Variants in BRI3BP observed in about 807,000 individuals in gnomAD.
The protein encoded by BRI3BP is BRI3-binding protein.
Under a neutral mutation model 15.8 loss-of-function variants are expected in BRI3BP, and 7 were observed. That is an observed-to-expected ratio of 0.44 (90% CI 0.25 to 0.83). BRI3BP has a LOEUF of 0.83. BRI3BP is among the 40% of genes least tolerant of loss of function. The pLI is 0.20. For synonymous variants in BRI3BP, 192 were observed against 163.5 expected, an observed-to-expected ratio of 1.17 and a Z score of -1.33; for missense variants, 320 against 339.3, an observed-to-expected ratio of 0.94 and a Z score of 0.45.
Position 125,026,290 on chromosome 12 carries a change from G to T in BRI3BP, c.*860G>T, listed in dbSNP as rs1211302020. 1 of 151,664 alleles carries T rather than the reference G, an allele frequency of 6.6e-6. No individual in the cohort carries two copies. Among genetic ancestry groups the T allele is most frequent in the Non-Finnish European group, 1.5e-5 (1 of 67,974 alleles). The allele number at this position is 151,664 out of a possible 1,614,324, so 9.4% of individuals were successfully genotyped here. Reference sequence around the variant, plus strand: ...CCCAATTTGCAGTTTGCTCACTAGGGCTATATACAAAAGCTATACCCTTGA... The same window carrying T: ...CCCAATTTGCAGTTTGCTCACTAGGTCTATATACAAAAGCTATACCCTTGA... On this transcript the variant is annotated 3_prime_UTR_variant, in exon 3 of 3. Transcript: ENST00000341446.
chr12:125,014,469 C>T (rs1011933743), intron 2 of BRI3BP, among the ~76,000 whole-genome samples: 1 of 152,214 alleles, frequency 6.6e-6, no homozygotes, highest in African/African-American at 2.4e-5. Flanking sequence ...ACACCATCAG[C>T]AAAGGGAAAA....
In BRI3BP at chr12:125,027,272, G is replaced by C. The variant is rs897146382; in HGVS notation, c.*1842G>C. 1 of 152,082 alleles carries C rather than the reference G, an allele frequency of 6.6e-6. No individual in the cohort carries two copies. Among genetic ancestry groups the C allele is most frequent in the Non-Finnish European group, 1.5e-5 (1 of 68,038 alleles). The allele number at this position is 152,082 out of a possible 1,614,324, so 9.4% of individuals were successfully genotyped here. On this transcript the variant is annotated 3_prime_UTR_variant, in exon 3 of 3. Transcript: ENST00000341446. ...GACTTTTGAGACTTCTGTTTCTAAG[G>C]TACACATGATGGGACCCAAACTCTC...
intron 2 of BRI3BP, among the ~76,000 whole-genome samples, chr12:125,024,145 T>G (rs377490352): frequency 1.3e-5 from 2 of 152,120 alleles, no homozygotes; most frequent in Admixed American, 1.3e-4. Flanking sequence ...AGGAAACTTA[T>G]AATCATGGCA....
At chr12:125,049,044 C>A in the BRI3BP span, among the ~76,000 whole-genome samples, 1 of 152,148 alleles carries the variant, frequency 6.6e-6, no homozygotes, top group Non-Finnish European at 1.5e-5. Context: ...CTGCAACATC[C>A]ACCTCCCGGG....
rs1955112235 is a variant in BRI3BP at position 125,003,254 on chromosome 12, C to CCCCG, written c.213+9251_213+9252insCCCG. Among the ~76,000 whole-genome samples, 15 of 152,122 alleles carry CCCCG rather than the reference C, an allele frequency of 9.9e-5. No homozygotes were observed. In the South Asian group the frequency reaches 2.9e-3, roughly 29 times the overall value. ...CAGGAAGGCCATTGTCACCCAACCC[C>CCCCG]GGTGTTGGATGTCCCCGGGTGTTGG... On this transcript the variant is annotated intron_variant, in intron 1 of 2. Coordinates refer to ENST00000341446, the MANE Select transcript of BRI3BP (RefSeq NM_080626.6).
At chr12:125,018,885 A>C (rs1230285443) in intron 2 of BRI3BP, among the ~76,000 whole-genome samples, 2 of 151,308 alleles carry the variant, frequency 1.3e-5, no homozygotes, top group Admixed American at 6.6e-5. Flanking sequence ...TTGAGACAGA[A>C]TGTTGCTCTG....
rs545402158 is a variant in BRI3BP at position 125,029,531 on chromosome 12, CAA to C, written c.*4114_*4115del. The C allele has an allele frequency of 2.0e-4, 20 of 100,132 alleles. No homozygotes were observed. The highest frequency in any genetic ancestry group is 5.3e-4 in the Admixed American group (5 of 9,492). 6.2% of individuals were successfully genotyped at this position (100,132 alleles called of 1,614,324 possible). On this transcript the variant is annotated 3_prime_UTR_variant, in exon 3 of 3. Coordinates refer to ENST00000341446, the MANE Select transcript of BRI3BP (RefSeq NM_080626.6). ...GAGGCGACAGAGTGAGACCCAGTCT[CAA>C]AAAAAAAAAAAAGTGTGTGTGTGTG...
rs1955370705 is a variant in BRI3BP at position 125,027,905 on chromosome 12, T to G, written c.*2475T>G. On this transcript the variant is annotated 3_prime_UTR_variant, in exon 3 of 3. Coordinates refer to ENST00000341446, the MANE Select transcript of BRI3BP (RefSeq NM_080626.6). ...GGTTTCACCGTGTTAGCCAGGATGG[T>G]CTCGATCTCCTGACCTCGTGATCCG... 1 of 152,112 alleles carries G rather than the reference T, an allele frequency of 6.6e-6. No individual in the cohort carries two copies. The highest frequency in any genetic ancestry group is 6.5e-5 in the Admixed American group (1 of 15,274). The allele number at this position is 152,112 out of a possible 1,614,324, so 9.4% of individuals were successfully genotyped here.
At chr12:125,017,525 A>G (rs913369441) in intron 2 of BRI3BP, among the ~76,000 whole-genome samples, 4 of 152,232 alleles carry the variant, frequency 2.6e-5, no homozygotes, top group Non-Finnish European at 4.4e-5. Flanking sequence ...ATAGAAAATT[A>G]TCAGGTGTCT....
chr12:125,020,125 T>C (rs970086813), intron 2 of BRI3BP, among the ~76,000 whole-genome samples: 1 of 152,002 alleles, frequency 6.6e-6, no homozygotes, highest in African/African-American at 2.4e-5. Flanking sequence ...GTATTTTTTT[T>C]AATAGAGACA....
chr12:125,047,898 T>C, the BRI3BP span, among the ~76,000 whole-genome samples: 1 of 151,584 alleles, frequency 6.6e-6, no homozygotes, highest in Non-Finnish European at 1.5e-5. Context: ...GGTTTCACCA[T>C]GTTGGCCAGG....
Position 125,004,917 on chromosome 12 carries a change from C to T in BRI3BP, c.214-7617C>T, listed in dbSNP as rs145886637. On this transcript the variant is annotated intron_variant, in intron 1 of 2. Coordinates refer to ENST00000341446, the MANE Select transcript of BRI3BP (RefSeq NM_080626.6). The stretch of plus-strand genomic sequence containing the variant: ...CTGGAGTGAAGTGGTGTGATCTCTG[C>T]TCACTGCAACCTCTGCCTCCCAGAT... Among the ~76,000 whole-genome samples, 49 of 152,288 alleles carry T rather than the reference C, an allele frequency of 3.2e-4. No homozygotes were observed. In the East Asian group the frequency reaches 7.5e-3, roughly 23 times the overall value.
the BRI3BP span, among the ~76,000 whole-genome samples, chr12:125,045,151 G>C: frequency 1.3e-5 from 2 of 152,028 alleles, no homozygotes; most frequent in African/African-American, 2.4e-5. Context: ...TGCAGCCTAT[G>C]AAATTGAAAA....
rs929978852 is a variant in BRI3BP, at chr12:125,027,513, T to C, written c.*2083T>C. The stretch of plus-strand genomic sequence containing the variant: ...AGTGAAACCCCGTCTCTACTAAAAA[T>C]ACAAAAATTAGCCAGGCCTGGTGGT... On this transcript the variant is annotated 3_prime_UTR_variant, in exon 3 of 3. Coordinates refer to ENST00000341446, the MANE Select transcript of BRI3BP (RefSeq NM_080626.6). 6.6e-6 allele frequency: 1 copy of C among 151,674 alleles called. No homozygotes were observed. The highest frequency in any genetic ancestry group is 1.5e-5 in the Non-Finnish European group (1 of 67,944). 9.4% of individuals were successfully genotyped at this position (151,674 alleles called of 1,614,324 possible).
chr12:125,008,445 T>C (rs1290489264), intron 1 of BRI3BP, among the ~76,000 whole-genome samples: 1 of 151,948 alleles, frequency 6.6e-6, no homozygotes, highest in African/African-American at 2.4e-5. Flanking sequence ...CCTGTGTAGC[T>C]GGGACTACAG....
At chr12:124,997,049 G>A (rs983491199) in intron 1 of BRI3BP, among the ~76,000 whole-genome samples, 5 of 151,400 alleles carry the variant, frequency 3.3e-5, no homozygotes, top group South Asian at 2.1e-4. Flanking sequence ...TTGAGCCACC[G>A]TGCCCGGCCT....
the BRI3BP span, among the ~76,000 whole-genome samples, chr12:125,043,895 C>T: frequency 1.3e-5 from 2 of 151,918 alleles, no homozygotes; most frequent in African/African-American, 2.4e-5. Flanking sequence ...CGTGATGGTG[C>T]ACACCTGTGG....
chr12:125,000,863 A>G (rs1316132217), intron 1 of BRI3BP, among the ~76,000 whole-genome samples: 1 of 152,062 alleles, frequency 6.6e-6, no homozygotes, highest in Admixed American at 6.6e-5. Flanking sequence ...CCACAATACC[A>G]TTGTCTCAGC....
intron 1 of BRI3BP, among the ~76,000 whole-genome samples, chr12:124,997,876 G>A (rs757759397): frequency 3.3e-5 from 5 of 152,082 alleles, no homozygotes; most frequent in Non-Finnish European, 5.9e-5. Flanking sequence ...TGTAATCCTA[G>A]CACTTTGGGA....
Sources: allele counts gnomAD v4.1 joint callset (sites outside exome capture counted in the v4.1 genomes callset), GRCh38; gene constraint gnomAD v4.1.1; transcripts MANE v1.5; gene names NCBI Gene and HGNC (gene_info 2026-07-23, HGNC 2026-07-21).